RBM46: variants seen among roughly 807,000 people sequenced by gnomAD.
RBM46 encodes RNA binding motif protein 46, also known as probable RNA-binding protein 46.
RBM46 carries 12 observed loss-of-function variants against 43.3 expected under a neutral mutation model. The observed-to-expected ratio is 0.28, with a 90% CI of 0.18 to 0.45. RBM46 has a LOEUF of 0.45. RBM46 is among the 20% of genes least tolerant of loss of function. RBM46 has a pLI of 1.00. For missense variants in RBM46, 412 were observed against 639.1 expected, an observed-to-expected ratio of 0.64 and a Z score of 3.83; for synonymous variants, 205 against 207.6, an observed-to-expected ratio of 0.99 and a Z score of 0.11.
At chr4:154,811,304 G>C (rs183375364) in intron 4 of RBM46, among the ~76,000 whole-genome samples, 1 of 152,164 alleles carries the variant, frequency 6.6e-6, no homozygotes, top group African/African-American at 2.4e-5. Flanking sequence ...AGATTTCCTG[G>C]GTTCACATTC....
Position 154,799,543 on chromosome 4 carries a change from C to A in RBM46, c.1381C>A (p.Gln461Lys). The change falls in exon 4 of 5, where the codon CAG (glutamine) becomes AAG (lysine). Residue 461 changes from glutamine (Q) to lysine (K), a missense_variant. Gln to Lys is a moderately conservative substitution (Grantham distance 53). Around this residue, in one of 8 missense-constraint regions of RBM46, gnomAD observed 149 missense variants for 156.3 expected, o/e 0.95. Transcript: ENST00000281722. The stretch of plus-strand genomic sequence containing the variant: ...AGAAGATGCAAAGGAACTGGCAGCC[C>A]AGTTTACATTACTTCATTTGGGTAA... ...TLEDAKELAAQFTLLHLDYNF... is the reference protein window; with the variant it reads ...TLEDAKELAAKFTLLHLDYNF... 1 of 1,565,538 alleles carries A rather than the reference C, an allele frequency of 6.4e-7. No homozygotes were observed. Among genetic ancestry groups the A allele is most frequent in the South Asian group, 1.2e-5 (1 of 82,192 alleles).
intron 4 of RBM46, among the ~76,000 whole-genome samples, chr4:154,822,659 A>C (rs1313011583): frequency 6.6e-6 from 1 of 151,648 alleles, no homozygotes; most frequent in Non-Finnish European, 1.5e-5. Context: ...GAATGTTAGA[A>C]ATTGAAATAA....
intron 4 of RBM46, among the ~76,000 whole-genome samples, chr4:154,826,163 GAAAAA>G (rs755904602): frequency 9.0e-5 from 12 of 133,416 alleles, no homozygotes; most frequent in African/African-American, 3.3e-4. Context: ...AAAAAAAAAA[GAAAAA>G]AAAAAAGCAT....
At chr4:154,818,603 C>A (rs1318386359) in intron 4 of RBM46, among the ~76,000 whole-genome samples, 1 of 152,194 alleles carries the variant, frequency 6.6e-6, no homozygotes, top group Non-Finnish European at 1.5e-5. Context: ...TTGGTACTTT[C>A]ACCACTTCTG....
chr4:154,820,336 A>T (rs1157052558), intron 4 of RBM46: 2 of 1,472,694 alleles, frequency 1.4e-6, no homozygotes, highest in South Asian at 2.6e-5. Flanking sequence ...TAAAGACTCA[A>T]TTATTTTCTG....
rs1015170913 is a variant in RBM46 at position 154,824,092 on chromosome 4, T to C, written c.1403-3776T>C. On this transcript the variant is annotated intron_variant, in intron 4 of 4. Coordinates refer to ENST00000281722, the MANE Select transcript of RBM46 (RefSeq NM_144979.5). ...CATTATGTCAGAGCAGTTGTTCTCT[T>C]TTTTTTTTTTGTTTTCCACAAAACA... 5.7e-5 allele frequency among the ~76,000 whole-genome samples: 6 copies of C among 104,602 alleles called. No individual in the cohort carries two copies. In the South Asian group the frequency reaches 2.2e-3, roughly 38 times the overall value. The allele number at this position is 104,602 out of a possible 152,430, so 68.6% of individuals were successfully genotyped here.
At chr4:154,806,038 A>G (rs954263931) in intron 4 of RBM46, among the ~76,000 whole-genome samples, 6 of 151,950 alleles carry the variant, frequency 3.9e-5, no homozygotes, top group African/African-American at 1.4e-4. Flanking sequence ...ATTTGTTTTC[A>G]TATGACCAAG....
intron 4 of RBM46, among the ~76,000 whole-genome samples, chr4:154,800,332 G>T (rs889593372): frequency 6.6e-6 from 1 of 152,132 alleles, no homozygotes; most frequent in Non-Finnish European, 1.5e-5. Flanking sequence ...GATGGGTCGT[G>T]TGTAGACACA....
rs59932273 is a variant in RBM46, at chr4:154,791,972, T to TA, written c.-11-4762dup. 1.6e-3 allele frequency among the ~76,000 whole-genome samples: 240 copies of TA among 152,136 alleles called. 1 individual carries two copies. Among genetic ancestry groups the TA allele is most frequent in the African/African-American group, 5.2e-3 (214 of 41,508 alleles). On this transcript the variant is annotated intron_variant, in intron 1 of 4. Coordinates refer to ENST00000281722, the MANE Select transcript of RBM46 (RefSeq NM_144979.5). ...GAATAATTGATTTGATGTTATAATCTAAAAAAAATTGTGAAAAAAATCTGG... is the reference window on the plus strand; with the variant it reads ...GAATAATTGATTTGATGTTATAATCTAAAAAAAAATTGTGAAAAAAATCTGG...
chr4:154,782,610 G>A (rs59251140), intron 1 of RBM46, among the ~76,000 whole-genome samples: 239 of 152,142 alleles, frequency 1.6e-3, no homozygotes, highest in African/African-American at 5.4e-3. Context: ...CAAACTCTCG[G>A]GAGTAGCTGG....
intron 4 of RBM46, among the ~76,000 whole-genome samples, chr4:154,808,224 C>T (rs1485691415): frequency 6.6e-6 from 1 of 151,876 alleles, no homozygotes; most frequent in Non-Finnish European, 1.5e-5. Context: ...AAGGGATTGG[C>T]ACTTATTTAA....
intron 4 of RBM46, among the ~76,000 whole-genome samples, chr4:154,811,490 A>T (rs1287532727): frequency 6.6e-6 from 1 of 152,208 alleles, no homozygotes. Context: ...CCATGTAAAT[A>T]GTGAAGAATA....
intron 4 of RBM46, among the ~76,000 whole-genome samples, chr4:154,815,257 G>A (rs150330518): frequency 1.3e-5 from 2 of 152,076 alleles, no homozygotes; most frequent in East Asian, 3.9e-4. Flanking sequence ...TCAGTTTGGG[G>A]CTGTTTGAAT....
At chr4:154,822,832 G>A (rs1735783015) in intron 4 of RBM46, among the ~76,000 whole-genome samples, 1 of 151,684 alleles carries the variant, frequency 6.6e-6, no homozygotes, top group Non-Finnish European at 1.5e-5. Flanking sequence ...ATGTAAAATA[G>A]TATAGTCTTA....
At position 154,798,189 on chromosome 4, in the gene RBM46, C is replaced by T; in HGVS notation, c.530C>T (p.Ala177Val). Residue 177 changes from alanine (A) to valine (V), a missense_variant, in exon 3 of 5, where the codon GCA (alanine) becomes GTA (valine). By Grantham distance (64) the Ala-to-Val change is moderately conservative. Coordinates refer to ENST00000281722, the MANE Select transcript of RBM46 (RefSeq NM_144979.5). The part of the protein sequence containing the change: ...GVVDVIVYPS[A>V]TDKTKNRGFA... ...GTAGATGTCATTGTTTATCCAAGTG[C>T]AACTGATAAGACCAAAAATCGTGGT... 6.2e-7 allele frequency: 1 copy of T among 1,613,468 alleles called. No homozygotes were observed. Among genetic ancestry groups the T allele is most frequent in the Non-Finnish European group, 8.5e-7 (1 of 1,179,824 alleles).
At chr4:154,813,299 A>G (rs156582) in intron 4 of RBM46, among the ~76,000 whole-genome samples, 4,911 of 152,222 alleles carry the variant, frequency 0.032, 279 homozygotes, top group African/African-American at 0.11. Context: ...ATGTCACCAA[A>G]GTAAAAATTA....
chr4:154,794,665 A>G (rs1160480950), intron 1 of RBM46, among the ~76,000 whole-genome samples: 4 of 152,206 alleles, frequency 2.6e-5, no homozygotes, highest in African/African-American at 9.7e-5. Flanking sequence ...ACACCTTTAT[A>G]TAAGGCCTTT....
intron 4 of RBM46, among the ~76,000 whole-genome samples, chr4:154,815,149 A>G (rs1325615233): frequency 6.6e-6 from 1 of 152,016 alleles, no homozygotes; most frequent in African/African-American, 2.4e-5. Context: ...ATACTATTTC[A>G]GGTAGCAGTA....
At chr4:154,804,067 C>T (rs12512208) in intron 4 of RBM46, among the ~76,000 whole-genome samples, 34,102 of 152,118 alleles carry the variant, frequency 0.22, 4,264 homozygotes, top group Middle Eastern at 0.3. Flanking sequence ...CTCTGCTTCG[C>T]CCTCAGCCAT....
Sources: gnomAD v4.1 joint callset for allele counts (sites outside exome capture counted in the v4.1 genomes callset) on GRCh38, gnomAD v4.1.1 for gene constraint, gnomAD v4.1.1 regional missense constraint, MANE v1.5 for transcripts, NCBI Gene and HGNC (gene_info 2026-07-23, HGNC 2026-07-21) for gene names.